Variants in BRD3 observed in about 807,000 individuals in gnomAD.
BRD3 encodes the protein bromodomain containing 3.
In BRD3, 17 loss-of-function variants were observed where a neutral mutation model predicts 66.8. The observed-to-expected ratio is 0.25, with a 90% CI of 0.17 to 0.38. The LOEUF is 0.38. Ranked by LOEUF, BRD3 falls within the 10% of genes least tolerant of loss-of-function variation. BRD3 has a pLI of 1.00. For synonymous variants in BRD3, 421 were observed against 393.2 expected (o/e 1.07, Z -0.84); for missense variants, 713 against 956.1 (o/e 0.75, Z 3.35).
chr9:134,053,363 G>C lies in BRD3; in HGVS notation c.115C>G (p.Leu39Val). The change falls in exon 2 of 12, where the codon CTG becomes GTG. Residue 39 changes from leucine (L) to valine (V), a missense_variant. Coordinates refer to ENST00000303407, the MANE Select transcript of BRD3 (RefSeq NM_007371.4). ...ACCACCACATTCTGCATGTACTGCA[G>C]CTGGTTGGTCTTGCGGCCGGGCTTG... is the stretch of plus-strand genomic sequence containing the variant. ...PSKPGRKTNQ[L>V]QYMQNVVVKT... 1 of 1,613,672 alleles carries C rather than the reference G, an allele frequency of 6.2e-7. No individual in the cohort carries two copies. Among genetic ancestry groups the C allele is most frequent in the Non-Finnish European group, 8.5e-7 (1 of 1,180,008 alleles).
chr9:134,041,701 T>G, intron 8 of BRD3, 59 bp downstream of exon 8: 1 of 1,566,276 alleles, frequency 6.4e-7, no homozygotes, highest in Non-Finnish European at 8.6e-7. Context: ...GACCTTGGGC[T>G]GCTGTGCCAG....
rs1588290402 is a variant in BRD3, at chr9:134,051,426, T to A, written c.499+136A>T. 13 of 936,242 alleles carry A rather than the reference T, an allele frequency of 1.4e-5. No homozygotes were observed. In the East Asian group the frequency reaches 4.2e-4, roughly 30 times the overall value. 58.0% of individuals were successfully genotyped at this position (936,242 alleles called of 1,614,324 possible). On this transcript the variant is annotated intron_variant, in intron 4 of 11. Transcript: ENST00000303407. ...CAACATCACCCACAGGCCACACTCA[T>A]CCAAGACCCGGCACCCACGAGCTCG...
At position 134,051,869 on chromosome 9, in the gene BRD3, G is replaced by A. The variant is rs1370303560; in HGVS notation, c.352-160C>T. ...TATATGTGTGTGTGTGTGTGTGTGT[G>A]TGTGTGTGTTGTTTTTTTTGTTTTT... is the stretch of plus-strand genomic sequence containing the variant. On this transcript the variant is annotated intron_variant, in intron 3 of 11. Transcript: ENST00000303407. 3.0e-3 allele frequency among the ~76,000 whole-genome samples: 327 copies of A among 110,030 alleles called. 12 individuals carry two copies. The highest frequency in any genetic ancestry group is 0.014 in the African/African-American group (311 of 22,018). The allele number at this position is 110,030 out of a possible 152,430, so 72.2% of individuals were successfully genotyped here.
chr9:134,063,388 C>A (rs1830584778), intron 1 of BRD3, among the ~76,000 whole-genome samples: 1 of 152,206 alleles, frequency 6.6e-6, no homozygotes, highest in East Asian at 1.9e-4. Flanking sequence ...GTGGTGTGGG[C>A]AGATGGGGGC....
intron 9 of BRD3, among the ~76,000 whole-genome samples, chr9:134,037,024 A>G (rs1382929136): frequency 6.6e-6 from 1 of 152,124 alleles, no homozygotes; most frequent in Non-Finnish European, 1.5e-5. Context: ...AAAAAGAAAA[A>G]AAGAAAGAAA....
At chr9:134,050,960 C>T (rs1160266866) in intron 4 of BRD3, among the ~76,000 whole-genome samples, 1 of 152,194 alleles carries the variant, frequency 6.6e-6, no homozygotes, top group Non-Finnish European at 1.5e-5. Flanking sequence ...CGTACTTAAG[C>T]CCCCAGCTTC....
intron 6 of BRD3, among the ~76,000 whole-genome samples, chr9:134,047,742 T>G (rs542052568): frequency 7.2e-5 from 11 of 152,326 alleles, no homozygotes; most frequent in Admixed American, 1.3e-4. Flanking sequence ...AGTGCAGCTT[T>G]AAAACTTTGC....
intron 9 of BRD3, chr9:134,036,593 T>G: frequency 1.3e-5 from 20 of 1,599,732 alleles, no homozygotes; most frequent in African/African-American, 4.0e-5. Context: ...AAATGATCTC[T>G]GTATTCAGGT....
rs767685838 is a variant in BRD3 at position 134,048,487 on chromosome 9, A to C, written c.715-33T>G. The C allele has an allele frequency of 2.5e-6, 4 of 1,597,322 alleles. No individual in the cohort carries two copies. In the Admixed American group the frequency reaches 6.7e-5, roughly 27 times the overall value. ...AGTGAAATAACCAGTGAACCCCGGA[A>C]ACCAGGGGCCCCGAAGACGCATGTC... is the stretch of plus-strand genomic sequence containing the variant. On this transcript the variant is annotated intron_variant, in intron 5 of 11. Transcript: ENST00000303407.
intron 1 of BRD3, among the ~76,000 whole-genome samples, chr9:134,061,014 A>G (rs2519080): frequency 0.7 from 106,344 of 152,226 alleles, 37,887 homozygotes; most frequent in African/African-American, 0.81. Flanking sequence ...GTGGACAAAC[A>G]GGGAGGGAAT....
chr9:134,032,945 C>T lies in BRD3; in HGVS notation c.*645G>A. 1 of 393,252 alleles carries T rather than the reference C, an allele frequency of 2.5e-6. No individual in the cohort carries two copies. The highest frequency in any genetic ancestry group is 4.5e-6 in the Non-Finnish European group (1 of 223,338). 24.4% of individuals were successfully genotyped at this position (393,252 alleles called of 1,614,324 possible). Reference sequence around the variant, plus strand: ...GGCTGCATACACAGCCGCTCTGTTCCCTCCGAGGAGCTCCTGACATCACCA... The same window carrying T: ...GGCTGCATACACAGCCGCTCTGTTCTCTCCGAGGAGCTCCTGACATCACCA... On this transcript the variant is annotated 3_prime_UTR_variant, in exon 12 of 12. Coordinates refer to ENST00000303407, the MANE Select transcript of BRD3 (RefSeq NM_007371.4).
intron 1 of BRD3, among the ~76,000 whole-genome samples, chr9:134,064,494 T>C (rs1204365711): frequency 1.3e-5 from 2 of 151,852 alleles, no homozygotes; most frequent in African/African-American, 4.8e-5. Context: ...TGAAGGGAAA[T>C]CATGCCATTA....
intron 8 of BRD3, among the ~76,000 whole-genome samples, chr9:134,041,275 T>G (rs1462464611): frequency 1.3e-5 from 2 of 152,122 alleles, no homozygotes; most frequent in Admixed American, 1.3e-4. Context: ...TGGGTGACAT[T>G]TGTCCCATAC....
rs117016781 is a variant in BRD3 at position 134,033,425 on chromosome 9, A to G, written c.*165T>C. The G allele has an allele frequency of 1.6e-5, 9 of 571,208 alleles. No individual in the cohort carries two copies. Among genetic ancestry groups the G allele is most frequent in the Non-Finnish European group, 2.8e-5 (9 of 318,516 alleles). 35.4% of individuals were successfully genotyped at this position (571,208 alleles called of 1,614,324 possible). A position where few individuals can be genotyped will look rare whatever the true frequency, so the allele number is the denominator to read the frequency against. ...TCATCAAGTCTAACGCACACACAAGATAGATCTCTGACCTATGAAAGCAAA... is the reference window on the plus strand; with the variant it reads ...TCATCAAGTCTAACGCACACACAAGGTAGATCTCTGACCTATGAAAGCAAA... On this transcript the variant is annotated 3_prime_UTR_variant, in exon 12 of 12. Coordinates refer to ENST00000303407, the MANE Select transcript of BRD3 (RefSeq NM_007371.4). The surrounding 1 kb of genome is among the most constrained non-coding windows in gnomAD (Gnocchi z 5.1).
At position 134,032,454 on chromosome 9, in the gene BRD3, A is replaced by G. The variant is rs1843524701; in HGVS notation, c.*1136T>C. On this transcript the variant is annotated 3_prime_UTR_variant, in exon 12 of 12. Coordinates refer to ENST00000303407, the MANE Select transcript of BRD3 (RefSeq NM_007371.4). ...AAGTTTCATACAAAAAAAAAAAAAA[A>G]AAAAAACCACAAAGAAAAAAACCAA... 1 of 220,834 alleles carries G rather than the reference A, an allele frequency of 4.5e-6. No homozygotes were observed. Among genetic ancestry groups the G allele is most frequent in the Non-Finnish European group, 9.0e-6 (1 of 110,726 alleles). 13.7% of individuals were successfully genotyped at this position (220,834 alleles called of 1,614,324 possible). A position where few individuals can be genotyped will look rare whatever the true frequency, so the allele number is the denominator to read the frequency against.
intron 7 of BRD3, among the ~76,000 whole-genome samples, chr9:134,044,565 T>C (rs1215626372): frequency 6.6e-6 from 1 of 152,044 alleles, no homozygotes; most frequent in African/African-American, 2.4e-5. Context: ...CTGTTATTTA[T>C]AAAAGCAAAC....
chr9:134,062,201 G>A (rs1472532778), intron 1 of BRD3, among the ~76,000 whole-genome samples: 1 of 152,148 alleles, frequency 6.6e-6, no homozygotes, highest in Non-Finnish European at 1.5e-5. Context: ...CTACTCCCCA[G>A]GGGAATCTGC....
chr9:134,040,270 C>A lies in BRD3; in HGVS notation c.1408-1G>T. 1 of 1,593,788 alleles carries A rather than the reference C, an allele frequency of 6.3e-7. No individual in the cohort carries two copies. The highest frequency in any genetic ancestry group is 1.3e-5 in the African/African-American group (1 of 74,742). ...CCAGCTGCTCGTGCACGGCCTTCAGCTGGAAAAGAGCGGGCGGCTGAGCAG... is the reference window on the plus strand; with the variant it reads ...CCAGCTGCTCGTGCACGGCCTTCAGATGGAAAAGAGCGGGCGGCTGAGCAG... On this transcript the variant is annotated splice_acceptor_variant, in intron 8 of 11. Coordinates refer to ENST00000303407, the MANE Select transcript of BRD3 (RefSeq NM_007371.4). LOFTEE classifies it high-confidence loss of function.
At chr9:134,042,730 TATAC>T (rs1268465542) in intron 7 of BRD3, among the ~76,000 whole-genome samples, 1 of 149,222 alleles carries the variant, frequency 6.7e-6, no homozygotes, top group Non-Finnish European at 1.5e-5. Flanking sequence ...TACACATATA[TATAC>T]ACACATATAT....
Sources: allele counts gnomAD v4.1 joint callset (sites outside exome capture counted in the v4.1 genomes callset), GRCh38; gene constraint gnomAD v4.1.1; non-coding constraint Gnocchi (gnomAD v3.1); transcripts MANE v1.5; gene names NCBI Gene and HGNC (gene_info 2026-07-23, HGNC 2026-07-21).